The following UTRN variants were observed in gnomAD, a reference collection of about 807,000 sequenced individuals.
UTRN encodes dystrophin-related protein 1.
UTRN carries 283 observed loss-of-function variants against 463.9 expected under a neutral mutation model. The observed-to-expected ratio is 0.61, with a 90% CI of 0.55 to 0.67. The LOEUF (loss-of-function observed/expected upper bound fraction) is 0.67, where lower values mean the gene tolerates loss of function less well. UTRN is among the 30% of genes least tolerant of loss of function. The pLI, the probability that UTRN is intolerant of heterozygous loss-of-function variation, is 0.00. For synonymous variants in UTRN, 1,442 were observed against 1,431.5 expected (o/e 1.01, Z -0.17); for missense variants, 3,922 against 4,084.3 (o/e 0.96, Z 1.08).
intron 51 of UTRN, among the ~76,000 whole-genome samples, chr6:144,581,819 A>G (rs1310992638): frequency 2.0e-5 from 3 of 151,632 alleles, no homozygotes; most frequent in Non-Finnish European, 4.4e-5. Context: ...TCAGAAAGAA[A>G]CCCCTTCCCT....
chr6:144,716,438 C>T (rs1160709479), intron 53 of UTRN, among the ~76,000 whole-genome samples: 2 of 151,740 alleles, frequency 1.3e-5, no homozygotes, highest in African/African-American at 2.4e-5. Context: ...TAAATATAGC[C>T]CCAAGTCATT....
chr6:144,788,230 G>T (rs1393545902), intron 61 of UTRN, among the ~76,000 whole-genome samples: 2 of 152,034 alleles, frequency 1.3e-5, no homozygotes. Flanking sequence ...CCCAAATAGG[G>T]ATTTCACATC....
intron 2 of UTRN, among the ~76,000 whole-genome samples, chr6:144,311,120 C>T (rs1435188157): frequency 2.0e-5 from 3 of 152,216 alleles, no homozygotes; most frequent in Admixed American, 2.0e-4. Context: ...GGGAAGAATT[C>T]TGGCGTAAGA....
At chr6:144,481,183 A>G (rs1235800523) in intron 26 of UTRN, among the ~76,000 whole-genome samples, 1 of 152,226 alleles carries the variant, frequency 6.6e-6, no homozygotes, top group Non-Finnish European at 1.5e-5. Flanking sequence ...CAAAACCACT[A>G]CACTTAATTA....
chr6:144,580,819 G>A (rs181463895), intron 51 of UTRN, among the ~76,000 whole-genome samples: 12 of 152,320 alleles, frequency 7.9e-5, no homozygotes, highest in Admixed American at 1.3e-4. Context: ...TTAGCTGATG[G>A]TATGAGGAAT....
At chr6:144,690,064 AAAAGTTTC>A (rs1436903859) in intron 52 of UTRN, among the ~76,000 whole-genome samples, 1 of 106,896 alleles carries the variant, frequency 9.4e-6, no homozygotes, top group Non-Finnish European at 1.9e-5. Context: ...TAGAGCTCCC[AAAAGTTTC>A]TGTTTTTTTT....
At position 144,523,145 on chromosome 6, in the gene UTRN, G is replaced by T. The variant is rs765414630; in HGVS notation, c.5863G>T (p.Ala1955Ser). 99 of 1,612,452 alleles carry T rather than the reference G, an allele frequency of 6.1e-5. No homozygotes were observed. The highest frequency in any genetic ancestry group is 8.3e-5 in the Non-Finnish European group (98 of 1,179,364). Reference sequence around the variant, plus strand: ...CAGAGATACACTTACTCAGCTGAATGCAAAATGGGACAGAATTAATAGAAT... The same window carrying T: ...CAGAGATACACTTACTCAGCTGAATTCAAAATGGGACAGAATTAATAGAAT... Reference protein sequence around the residue: ...QIRDTLTQLNAKWDRINRMYS... With the variant: ...QIRDTLTQLNSKWDRINRMYS... The change falls in exon 41 of 75, where the codon GCA (alanine) becomes TCA (serine). Residue 1955 changes from alanine (A) to serine (S), a missense_variant. By Grantham distance (99) the Ala-to-Ser change is moderately conservative (BLOSUM62 1). Around this residue, in one of 3 missense-constraint regions of UTRN, gnomAD observed 2,349 missense variants for 2,303.8 expected, o/e 1.02. Transcript: ENST00000367545.
At chr6:144,526,932 G>T (rs13207331) in intron 41 of UTRN, among the ~76,000 whole-genome samples, 23,885 of 151,598 alleles carry the variant, frequency 0.16, 2,244 homozygotes, top group Middle Eastern at 0.26. Flanking sequence ...TGTAGCTGGG[G>T]CTACAGGTGC....
At chr6:144,495,680 G>A (rs1336443644) in intron 33 of UTRN, among the ~76,000 whole-genome samples, 1 of 152,246 alleles carries the variant, frequency 6.6e-6, no homozygotes, top group Non-Finnish European at 1.5e-5. Context: ...AGGGCTGTGA[G>A]GACTGCCAGC....
chr6:144,708,928 G>C (rs919245125), intron 53 of UTRN, among the ~76,000 whole-genome samples: 1 of 152,112 alleles, frequency 6.6e-6, no homozygotes, highest in African/African-American at 2.4e-5. Context: ...AAAGGCAAGA[G>C]AGCGTTCATG....
At chr6:144,548,591 T>G (rs1443057901) in intron 46 of UTRN, 49 bp from the exon 47 acceptor site, 1 of 1,567,152 alleles carries the variant, frequency 6.4e-7, no homozygotes, top group Admixed American at 1.7e-5. Flanking sequence ...CCACCATAAT[T>G]AAAACATCCT....
At position 144,514,883 on chromosome 6, in the gene UTRN, A is replaced by T. The variant is rs1363563283; in HGVS notation, c.5244+63A>T. ...ATGGGTATGTATCTAAATGATAGTC[A>T]TACAGTACATACATCAACAATTTTG... is the stretch of plus-strand genomic sequence containing the variant. On this transcript the variant is annotated intron_variant, in intron 37 of 74. Coordinates refer to ENST00000367545, the MANE Select transcript of UTRN (RefSeq NM_007124.3). 6 of 1,435,748 alleles carry T rather than the reference A, an allele frequency of 4.2e-6. No individual in the cohort carries two copies. In the East Asian group the frequency reaches 1.4e-4, roughly 33 times the overall value. 88.9% of individuals were successfully genotyped at this position (1,435,748 alleles called of 1,614,324 possible). A position where few individuals can be genotyped will look rare whatever the true frequency, so the allele number is the denominator to read the frequency against.
At chr6:144,524,851 C>T (rs150413843) in intron 41 of UTRN, among the ~76,000 whole-genome samples, 26 of 152,154 alleles carry the variant, frequency 1.7e-4, no homozygotes, top group Admixed American at 5.2e-4. Flanking sequence ...GCTTTTATTA[C>T]CTGAAGGTAT....
At chr6:144,681,078 G>A (rs1369263883) in intron 52 of UTRN, among the ~76,000 whole-genome samples, 1 of 152,108 alleles carries the variant, frequency 6.6e-6, no homozygotes, top group Non-Finnish European at 1.5e-5. Flanking sequence ...GAAGAGGGGA[G>A]ACCTGGTAGG....
intron 69 of UTRN, among the ~76,000 whole-genome samples, chr6:144,831,718 G>T (rs1780689712): frequency 1.3e-5 from 2 of 152,158 alleles, no homozygotes; most frequent in Non-Finnish European, 2.9e-5. Context: ...TGACGGTTCT[G>T]GGGAATCTCA....
At chr6:144,824,572 T>TATATATA (rs1779929254) in intron 66 of UTRN, among the ~76,000 whole-genome samples, 1 of 37,920 alleles carries the variant, frequency 2.6e-5, no homozygotes, top group Non-Finnish European at 4.8e-5. Context: ...AGCATTTTAT[T>TATATATA]TATATATATA....
At chr6:144,328,209 CA>C (rs1370638892) in intron 2 of UTRN, among the ~76,000 whole-genome samples, 1 of 147,582 alleles carries the variant, frequency 6.8e-6, no homozygotes, top group Non-Finnish European at 1.5e-5. Context: ...TTTTTTTAAA[CA>C]AAAGAAAAAC....
At chr6:144,846,760 G>C (rs746128691) in intron 73 of UTRN, 45 bp from the exon 74 acceptor site, 2 of 1,613,752 alleles carry the variant, frequency 1.2e-6, no homozygotes, top group Non-Finnish European at 1.7e-6. Flanking sequence ...AACCAACAAA[G>C]TAACAGGACT....
intron 2 of UTRN, chr6:144,311,566 C>T (rs1189614298): frequency 1.3e-5 from 2 of 152,222 alleles, no homozygotes; most frequent in African/African-American, 2.4e-5. Flanking sequence ...GCTGTCTGCA[C>T]AATTAATTGA....
Sources: allele counts gnomAD v4.1 joint callset (sites outside exome capture counted in the v4.1 genomes callset), GRCh38; gene constraint gnomAD v4.1.1; regional missense constraint gnomAD v4.1.1; transcripts MANE v1.5; gene names NCBI Gene and HGNC (gene_info 2026-07-23, HGNC 2026-07-21).